CSMD3: variants seen among roughly 807,000 people sequenced by gnomAD.
The protein encoded by CSMD3 is CUB and Sushi multiple domains 3, also known as CUB and sushi domain-containing protein 3.
In CSMD3, 177 loss-of-function variants were observed where a neutral mutation model predicts 435.2. The observed-to-expected ratio is 0.41, with a 90% CI of 0.36 to 0.46. CSMD3 has a LOEUF of 0.46. CSMD3 is among the 20% of genes least tolerant of loss of function. The probability of loss-of-function intolerance (pLI) is 0.34; values close to 1 mark genes in which losing one functional copy is unlikely to be tolerated. For missense variants in CSMD3, 4,265 were observed against 4,504.6 expected (o/e 0.95, Z 1.52); for synonymous variants, 1,656 against 1,520.5 (o/e 1.09, Z -2.07).
intron 13 of CSMD3, among the ~76,000 whole-genome samples, chr8:112,699,386 G>T (rs1372120443): frequency 1.3e-5 from 2 of 152,240 alleles, no homozygotes; most frequent in South Asian, 2.1e-4. Context: ...CTTCATGCTT[G>T]AAGTCGGCAA....
chr8:113,301,329 T>C (rs1280374023), intron 2 of CSMD3, among the ~76,000 whole-genome samples: 1 of 152,086 alleles, frequency 6.6e-6, no homozygotes, highest in Non-Finnish European at 1.5e-5. Flanking sequence ...TAATAGAGAA[T>C]ATAGAAAATT....
At chr8:113,402,499 T>G (rs1264675973) in intron 1 of CSMD3, among the ~76,000 whole-genome samples, 2 of 151,316 alleles carry the variant, frequency 1.3e-5, no homozygotes, top group Non-Finnish European at 3.0e-5. Context: ...GTACCTTCTG[T>G]GAGTATGGCA....
intron 11 of CSMD3, among the ~76,000 whole-genome samples, chr8:112,857,787 G>A (rs1436371841): frequency 1.3e-5 from 2 of 150,700 alleles, no homozygotes; most frequent in African/African-American, 2.4e-5. Context: ...AATAGTGTAC[G>A]GCATGCTGCT....
chr8:112,257,699 A>G (rs532498173), intron 61 of CSMD3, among the ~76,000 whole-genome samples: 1 of 152,338 alleles, frequency 6.6e-6, no homozygotes, highest in South Asian at 2.1e-4. Flanking sequence ...AAAAATGGCC[A>G]TACTTCCCAA....
chr8:113,251,836 C>T (rs938583152), intron 3 of CSMD3, among the ~76,000 whole-genome samples: 1 of 151,968 alleles, frequency 6.6e-6, no homozygotes, highest in African/African-American at 2.4e-5. Flanking sequence ...ATTCACTTGA[C>T]AGAGTTTTTA....
In CSMD3 at chr8:113,358,961, G is replaced by A. The variant is rs539236933; in HGVS notation, c.179-44168C>T. On this transcript the variant is annotated intron_variant, in intron 1 of 70. Transcript: ENST00000297405. ...ACATAGCAAAATAAAAAAGCTGCTC[G>A]GTTAAAAAATATATATAGTAAAGTT... Among the ~76,000 whole-genome samples, 28 of 151,848 alleles carry A rather than the reference G, an allele frequency of 1.8e-4. No individual in the cohort carries two copies. The South Asian group carries it at 2.3e-3, about 12-fold the overall frequency.
chr8:112,377,953 A>T (rs572483302), intron 38 of CSMD3, among the ~76,000 whole-genome samples: 3 of 152,184 alleles, frequency 2.0e-5, no homozygotes, highest in African/African-American at 7.2e-5. Flanking sequence ...AAAGATATCC[A>T]CTCTCTCCAC....
chr8:112,454,925 G>A (rs1203823789), intron 32 of CSMD3, among the ~76,000 whole-genome samples: 3 of 151,988 alleles, frequency 2.0e-5, no homozygotes, highest in East Asian at 1.9e-4. Context: ...AGCTACTCAA[G>A]AGGCTGAAGT....
chr8:112,669,135 C>T (rs540799204), intron 16 of CSMD3, among the ~76,000 whole-genome samples: 2 of 151,808 alleles, frequency 1.3e-5, no homozygotes, highest in South Asian at 2.1e-4. Flanking sequence ...TGGGTTCAAA[C>T]GATTCTCCTG....
At chr8:112,446,821 C>A (rs553054621) in intron 32 of CSMD3, among the ~76,000 whole-genome samples, 1 of 152,218 alleles carries the variant, frequency 6.6e-6, no homozygotes, top group East Asian at 1.9e-4. Flanking sequence ...GGAGACTGGG[C>A]AATGGGCCGG....
At chr8:112,703,238 G>C (rs752756869) in intron 13 of CSMD3, among the ~76,000 whole-genome samples, 3 of 152,134 alleles carry the variant, frequency 2.0e-5, no homozygotes, top group Non-Finnish European at 4.4e-5. Flanking sequence ...CCCATAGAGA[G>C]TAGCACATGA....
intron 32 of CSMD3, among the ~76,000 whole-genome samples, chr8:112,458,215 C>CCACACACACA (rs1283555462): frequency 1.5e-3 from 232 of 150,810 alleles, no homozygotes; most frequent in Middle Eastern, 0.014. Flanking sequence ...ACACTCACAC[C>CCACACACACA]CACACACACA....
At chr8:113,059,588 A>G (rs1356599384) in intron 5 of CSMD3, among the ~76,000 whole-genome samples, 3 of 152,202 alleles carry the variant, frequency 2.0e-5, no homozygotes. Flanking sequence ...TAAAATTGAC[A>G]TATTTCTTCA....
At chr8:113,394,299 T>C (rs1563777799) in intron 1 of CSMD3, among the ~76,000 whole-genome samples, 1 of 152,126 alleles carries the variant, frequency 6.6e-6, no homozygotes, top group South Asian at 2.1e-4. Context: ...GCACTGTGAA[T>C]TTCCAAAGAG....
intron 4 of CSMD3, among the ~76,000 whole-genome samples, chr8:113,106,281 T>C (rs1306856464): frequency 6.6e-5 from 10 of 151,950 alleles, no homozygotes; most frequent in African/African-American, 1.7e-4. Context: ...TATGAAAAGA[T>C]GACCACATGA....
At chr8:112,527,317 T>G (rs1161614908) in intron 27 of CSMD3, among the ~76,000 whole-genome samples, 1 of 150,794 alleles carries the variant, frequency 6.6e-6, no homozygotes, top group Non-Finnish European at 1.5e-5. Flanking sequence ...ACAAGGAAAA[T>G]TACCAGAGAA....
intron 7 of CSMD3, among the ~76,000 whole-genome samples, chr8:112,959,857 G>C (rs1202069297): frequency 6.6e-6 from 1 of 151,870 alleles, no homozygotes; most frequent in Non-Finnish European, 1.5e-5. Flanking sequence ...GGAGGTTAAA[G>C]TAATATTAAA....
At chr8:112,599,182 A>T (rs1197395197) in intron 22 of CSMD3, among the ~76,000 whole-genome samples, 2 of 147,478 alleles carry the variant, frequency 1.4e-5, no homozygotes, top group Non-Finnish European at 3.0e-5. Context: ...AGAAAAAAAA[A>T]ACAACCCCAT....
intron 24 of CSMD3, among the ~76,000 whole-genome samples, chr8:112,568,438 C>CA (rs1279417973): frequency 2.0e-5 from 3 of 151,158 alleles, no homozygotes; most frequent in African/African-American, 2.4e-5. Flanking sequence ...ATTAAAAATA[C>CA]AAAAAAATTA....
Sources: allele counts gnomAD v4.1 joint callset (sites outside exome capture counted in the v4.1 genomes callset), GRCh38; gene constraint gnomAD v4.1.1; transcripts MANE v1.5; gene names NCBI Gene and HGNC (gene_info 2026-07-23, HGNC 2026-07-21).